Variants in TCF12 observed in about 807,000 individuals in gnomAD.
TCF12 encodes the protein transcription factor 12, also known as DNA-binding protein HTF4.
Under a neutral mutation model 86.0 loss-of-function variants are expected in TCF12, and 45 were observed. The ratio of observed to expected loss-of-function variants is 0.52; its 90% CI spans 0.41 to 0.67. TCF12 has a LOEUF of 0.67. Ranked by LOEUF, TCF12 falls within the 30% of genes least tolerant of loss-of-function variation. The pLI is 0.00. For missense variants in TCF12, 881 were observed against 859.9 expected (o/e 1.02, Z -0.31); for synonymous variants, 330 against 299.6 (o/e 1.10, Z -1.05).
intron 5 of TCF12, among the ~76,000 whole-genome samples, chr15:57,144,414 T>C (rs1333701636): frequency 6.6e-6 from 1 of 152,234 alleles, no homozygotes; most frequent in African/African-American, 2.4e-5. Flanking sequence ...TTGAAAATAA[T>C]TTGATGACAT....
intron 5 of TCF12, among the ~76,000 whole-genome samples, chr15:57,112,689 G>A (rs769206611): frequency 6.6e-6 from 1 of 152,092 alleles, no homozygotes; most frequent in African/African-American, 2.4e-5. Context: ...TTTTACTATA[G>A]TATCTCTTAT....
At chr15:56,929,764 A>G (rs1332436334) in intron 3 of TCF12, among the ~76,000 whole-genome samples, 1 of 152,162 alleles carries the variant, frequency 6.6e-6, no homozygotes. Context: ...TCCCTTAAAA[A>G]ACCACTACTA....
intron 3 of TCF12, among the ~76,000 whole-genome samples, chr15:56,980,075 T>G (rs2062815664): frequency 6.6e-6 from 1 of 152,158 alleles, no homozygotes; most frequent in Non-Finnish European, 1.5e-5. Context: ...GATTTTTGTT[T>G]TGGCTGAGCA....
intron 3 of TCF12, among the ~76,000 whole-genome samples, chr15:56,924,517 A>G (rs193131595): frequency 3.5e-3 from 530 of 152,352 alleles, no homozygotes; most frequent in Middle Eastern, 6.8e-3. Flanking sequence ...GTGATTTTAG[A>G]GAGGAAACCA....
chr15:56,929,776 C>A (rs922520013), intron 3 of TCF12, among the ~76,000 whole-genome samples: 3 of 151,994 alleles, frequency 2.0e-5, no homozygotes, highest in African/African-American at 7.3e-5. Context: ...CCACTACTAC[C>A]ATAACTTACT....
chr15:57,202,106 A>T (rs1265291985), intron 8 of TCF12, among the ~76,000 whole-genome samples: 1 of 152,162 alleles, frequency 6.6e-6, no homozygotes, highest in Non-Finnish European at 1.5e-5. Context: ...CAACTCTATA[A>T]CTAATATTCC....
chr15:57,056,101 A>T (rs1437319386), intron 3 of TCF12, among the ~76,000 whole-genome samples: 1 of 141,348 alleles, frequency 7.1e-6, no homozygotes, highest in African/African-American at 2.8e-5. Context: ...TAAATTTCAG[A>T]TACTTAGTTT....
At chr15:57,006,547 C>G (rs2064386554) in intron 3 of TCF12, among the ~76,000 whole-genome samples, 2 of 152,036 alleles carry the variant, frequency 1.3e-5, no homozygotes, top group Admixed American at 1.3e-4. Context: ...AATCCCAGCA[C>G]TTTGGGAGGT....
At chr15:57,141,358 T>G (rs1008825995) in intron 5 of TCF12, among the ~76,000 whole-genome samples, 2 of 152,190 alleles carry the variant, frequency 1.3e-5, no homozygotes, top group Admixed American at 1.3e-4. Flanking sequence ...GCTGTTTGAT[T>G]GATTGATTGA....
chr15:56,955,400 C>T (rs1386088390), intron 3 of TCF12, among the ~76,000 whole-genome samples: 3 of 149,112 alleles, frequency 2.0e-5, no homozygotes, highest in Admixed American at 1.3e-4. Context: ...CAGGGCCTGT[C>T]GTAGGGTGGG....
intron 8 of TCF12, 113 bp from the exon 9 acceptor site, chr15:57,231,039 T>A: frequency 1.4e-6 from 1 of 693,460 alleles, no homozygotes; most frequent in Non-Finnish European, 2.5e-6. Context: ...GTGGTAGCCC[T>A]TTATAAAAAT....
chr15:57,003,948 G>T (rs1275657491), intron 3 of TCF12, among the ~76,000 whole-genome samples: 1 of 152,094 alleles, frequency 6.6e-6, no homozygotes, highest in Non-Finnish European at 1.5e-5. Context: ...TTTTGTAAAG[G>T]TTTGTTGGCT....
intron 3 of TCF12, among the ~76,000 whole-genome samples, chr15:56,935,730 G>GT (rs1441470158): frequency 2.0e-5 from 3 of 152,066 alleles, no homozygotes; most frequent in Non-Finnish European, 1.5e-5. Flanking sequence ...ACGTTGTTTG[G>GT]TTTTCCATTC....
In TCF12 at chr15:56,984,014, A is replaced by AAAAAAAAAAAAAAAAAAAAAAAAAAG. The variant is rs777234282; in HGVS notation, c.148+62918_148+62919insAAAAAAAAAAAAAAAAAAAAAAAGAA. Among the ~76,000 whole-genome samples the AAAAAAAAAAAAAAAAAAAAAAAAAAG allele has an allele frequency of 1.8e-3, 191 of 104,312 alleles. 9 individuals carry two copies. The highest frequency in any genetic ancestry group is 2.1e-3 in the Admixed American group (18 of 8,456). 68.4% of individuals were successfully genotyped at this position (104,312 alleles called of 152,430 possible). On this transcript the variant is annotated intron_variant, in intron 3 of 20. Transcript: ENST00000333725. ...GAGACCCTGTCTCAAAAAAAAAAAA[A>AAAAAAAAAAAAAAAAAAAAAAAAAAG]AAGAAGAAGAAGAATTTTGGATCAA... is the stretch of plus-strand genomic sequence containing the variant.
rs1446780217 is a variant in TCF12 at position 57,289,023 on chromosome 15, A to T, written c.*2878A>T. 6.6e-6 allele frequency: 1 copy of T among 152,308 alleles called. No homozygotes were observed. The highest frequency in any genetic ancestry group is 2.4e-5 in the African/African-American group (1 of 41,548). 9.4% of individuals were successfully genotyped at this position (152,308 alleles called of 1,614,324 possible). On this transcript the variant is annotated 3_prime_UTR_variant, in exon 21 of 21. Transcript: ENST00000333725. Reference sequence around the variant, plus strand: ...ACAAAAAAAAGCGTAGGGATTATCCATGAGGACTTCATGCCAAGCAAGAAC... The same window carrying T: ...ACAAAAAAAAGCGTAGGGATTATCCTTGAGGACTTCATGCCAAGCAAGAAC...
At chr15:56,996,762 C>A (rs1354160979) in intron 3 of TCF12, among the ~76,000 whole-genome samples, 1 of 152,028 alleles carries the variant, frequency 6.6e-6, no homozygotes, top group African/African-American at 2.4e-5. Flanking sequence ...TGTCCAAAAT[C>A]TTAAGGAACT....
At chr15:57,264,997 T>G (rs1431865654) in intron 18 of TCF12, among the ~76,000 whole-genome samples, 1 of 152,098 alleles carries the variant, frequency 6.6e-6, no homozygotes, top group East Asian at 1.9e-4. Context: ...TCCAAAGTGC[T>G]GGGATTACAA....
At chr15:57,290,083 G>A (rs371837121), downstream of TCF12, among the ~76,000 whole-genome samples, 30 of 151,302 alleles carry the variant, frequency 2.0e-4, no homozygotes, top group East Asian at 3.3e-3. Context: ...GGTGGCTCAC[G>A]CCTGTAATCT....
chr15:56,973,964 A>G (rs1231231678), intron 3 of TCF12, among the ~76,000 whole-genome samples: 1 of 152,166 alleles, frequency 6.6e-6, no homozygotes, highest in African/African-American at 2.4e-5. Context: ...ATAACTGAGA[A>G]GTACTCTTCA....
Sources: gnomAD v4.1 joint callset for allele counts (sites outside exome capture counted in the v4.1 genomes callset) on GRCh38, gnomAD v4.1.1 for gene constraint, MANE v1.5 for transcripts, NCBI Gene and HGNC (gene_info 2026-07-23, HGNC 2026-07-21) for gene names.